MCU: variants seen among roughly 807,000 people sequenced by gnomAD.
The protein encoded by MCU is calcium uniporter protein, mitochondrial.
A neutral mutation model predicts 45.2 loss-of-function variants in MCU; 12 were observed. The observed-to-expected ratio is 0.27, with a 90% CI of 0.17 to 0.43. The LOEUF (loss-of-function observed/expected upper bound fraction) is 0.43. Among genes scored for constraint, MCU ranks in the 20% least tolerant of loss-of-function variants. MCU has a pLI of 1.00. For synonymous variants in MCU, 160 were observed against 165.1 expected (o/e 0.97, Z 0.24); for missense variants, 324 against 436.7 (o/e 0.74, Z 2.30).
At chr10:72,784,711 G>A (rs1390117906) in intron 1 of MCU, among the ~76,000 whole-genome samples, 2 of 152,150 alleles carry the variant, frequency 1.3e-5, no homozygotes, top group Non-Finnish European at 1.5e-5. Context: ...AAGCCTGTCC[G>A]TATGTGTGCG....
At chr10:72,834,503 C>G (rs1844927885) in intron 2 of MCU, 75 bp downstream of exon 2, 2 of 1,280,802 alleles carry the variant, frequency 1.6e-6, no homozygotes, top group Non-Finnish European at 1.1e-6. Context: ...TTCTCTGACA[C>G]AAAAATTTAT....
At chr10:72,811,336 A>G (rs1844541287) in intron 1 of MCU, among the ~76,000 whole-genome samples, 3 of 152,214 alleles carry the variant, frequency 2.0e-5, no homozygotes, top group Admixed American at 2.0e-4. Flanking sequence ...GAACTTGTTA[A>G]TGTGTTCATG....
At chr10:72,822,229 A>G (rs553206885) in intron 1 of MCU, among the ~76,000 whole-genome samples, 2 of 152,176 alleles carry the variant, frequency 1.3e-5, no homozygotes, top group Non-Finnish European at 2.9e-5. Context: ...CCGAGATCGC[A>G]CCACTGCACT....
At chr10:72,745,782 G>T (rs1198289439) in intron 1 of MCU, among the ~76,000 whole-genome samples, 2 of 152,026 alleles carry the variant, frequency 1.3e-5, no homozygotes, top group Non-Finnish European at 2.9e-5. Flanking sequence ...GAGCCTCATT[G>T]TCTTCCTGTG....
At chr10:72,797,789 C>A (rs1000939236) in intron 1 of MCU, among the ~76,000 whole-genome samples, 15 of 152,106 alleles carry the variant, frequency 9.9e-5, no homozygotes, top group African/African-American at 3.6e-4. Flanking sequence ...CCCACCTTGG[C>A]CTCCCAAAGT....
chr10:72,796,295 C>G (rs1030418139), intron 1 of MCU, among the ~76,000 whole-genome samples: 1 of 151,872 alleles, frequency 6.6e-6, no homozygotes, highest in Non-Finnish European at 1.5e-5. Flanking sequence ...GAAAATTGGC[C>G]AGGTGTGATG....
chr10:72,857,567 G>T (rs1845312915), intron 2 of MCU, among the ~76,000 whole-genome samples: 1 of 152,012 alleles, frequency 6.6e-6, no homozygotes, highest in Admixed American at 6.6e-5. Flanking sequence ...AAAAAAGTGA[G>T]GCTCAGAGAA....
intron 1 of MCU, among the ~76,000 whole-genome samples, chr10:72,824,894 T>C (rs2132821075): frequency 6.6e-6 from 1 of 152,316 alleles, no homozygotes; most frequent in African/African-American, 2.4e-5. Flanking sequence ...GATTTGAAAT[T>C]GTTTACTTCA....
At chr10:72,845,049 T>C (rs1365563380) in intron 2 of MCU, among the ~76,000 whole-genome samples, 1 of 152,170 alleles carries the variant, frequency 6.6e-6, no homozygotes, top group Non-Finnish European at 1.5e-5. Context: ...TAAGCACATA[T>C]TAAGATGTAT....
At chr10:72,836,836 G>C (rs1305018233) in intron 2 of MCU, among the ~76,000 whole-genome samples, 1 of 152,004 alleles carries the variant, frequency 6.6e-6, no homozygotes, top group East Asian at 1.9e-4. Context: ...TTTCACCTTA[G>C]GTCAGTATAG....
intron 1 of MCU, among the ~76,000 whole-genome samples, chr10:72,794,258 T>G (rs1844211096): frequency 6.6e-6 from 1 of 152,158 alleles, no homozygotes; most frequent in Non-Finnish European, 1.5e-5. Flanking sequence ...ATACACAACA[T>G]ACAGTGGTGG....
intron 1 of MCU, among the ~76,000 whole-genome samples, chr10:72,710,528 A>G (rs935723447): frequency 7.4e-6 from 1 of 134,822 alleles, no homozygotes; most frequent in African/African-American, 2.9e-5. Flanking sequence ...TGGAAAGGCC[A>G]TTCCATCACC....
intron 1 of MCU, among the ~76,000 whole-genome samples, chr10:72,758,342 C>T (rs1280814051): frequency 4.6e-5 from 7 of 152,116 alleles, no homozygotes; most frequent in Non-Finnish European, 7.4e-5. Flanking sequence ...CCTGCTTCTT[C>T]GGTTTAAAAT....
intron 1 of MCU, among the ~76,000 whole-genome samples, chr10:72,701,254 G>A (rs1842755730): frequency 1.3e-5 from 2 of 152,158 alleles, no homozygotes; most frequent in South Asian, 4.1e-4. Flanking sequence ...TGAGGACATT[G>A]TTACTTCATT....
At chr10:72,842,689 G>A (rs1029987381) in intron 2 of MCU, among the ~76,000 whole-genome samples, 3 of 151,656 alleles carry the variant, frequency 2.0e-5, no homozygotes, top group African/African-American at 7.3e-5. Context: ...TAAAAACCAG[G>A]AAATGGCCAT....
intron 4 of MCU, among the ~76,000 whole-genome samples, chr10:72,863,445 T>C (rs1845408978): frequency 6.6e-6 from 1 of 152,192 alleles, no homozygotes; most frequent in South Asian, 2.1e-4. Flanking sequence ...TGGGAGAAAG[T>C]ATAGAAAAGT....
chr10:72,707,956 G>A (rs1041975671), intron 1 of MCU, among the ~76,000 whole-genome samples: 14 of 151,834 alleles, frequency 9.2e-5, no homozygotes, highest in South Asian at 2.1e-4. Flanking sequence ...CTACAGGCAC[G>A]TACCACCACG....
intron 1 of MCU, among the ~76,000 whole-genome samples, chr10:72,805,216 T>TTCC (rs1844428443): frequency 1.4e-5 from 2 of 138,454 alleles, no homozygotes; most frequent in African/African-American, 6.3e-5. Context: ...CTTCCTTTCC[T>TTCC]TTCCTTTCCT....
chr10:72,751,081 A>G (rs1009431024), intron 1 of MCU, among the ~76,000 whole-genome samples: 4 of 151,930 alleles, frequency 2.6e-5, no homozygotes, highest in East Asian at 1.9e-4. Context: ...GCTCACTGCA[A>G]TCTCCATCTC....
Sources: allele counts gnomAD v4.1 joint callset (sites outside exome capture counted in the v4.1 genomes callset), GRCh38; gene constraint gnomAD v4.1.1; transcripts MANE v1.5; gene names NCBI Gene and HGNC (gene_info 2026-07-23, HGNC 2026-07-21).